SH3KBP1: variants seen among roughly 807,000 people sequenced by gnomAD.
SH3KBP1 encodes the protein SH3 domain-containing kinase-binding protein 1.
A neutral mutation model predicts 50.1 loss-of-function variants in SH3KBP1; 8 were observed. The observed-to-expected ratio is 0.16, with a 90% CI of 0.09 to 0.29. SH3KBP1 has a LOEUF of 0.29. SH3KBP1 is among the 10% of genes least tolerant of loss of function. The probability of loss-of-function intolerance (pLI) is 1.00; values close to 1 mark genes in which losing one functional copy is unlikely to be tolerated. For missense variants in SH3KBP1, 377 were observed against 535.2 expected (o/e 0.70, Z 2.92); for synonymous variants, 227 against 218.6 (o/e 1.04, Z -0.34).
Position 19,565,051 on chromosome X carries a change from A to ATTTTTTTTTTTTTTTTTTTTTTT in SH3KBP1, c.1384+4029_1384+4051dup, listed in dbSNP as rs59323105. The stretch of plus-strand genomic sequence containing the variant: ...TCAGAGAGACCTGGCTTCAACTCCA[A>ATTTTTTTTTTTTTTTTTTTTTTT]TTTTTTTTTTTTTTTTTTTTTTTTT... On this transcript the variant is annotated intron_variant, in intron 13 of 17. Coordinates refer to ENST00000397821, the MANE Select transcript of SH3KBP1 (RefSeq NM_031892.3). 7.5e-5 allele frequency among the ~76,000 whole-genome samples: 5 copies of ATTTTTTTTTTTTTTTTTTTTTTT among 66,520 alleles called. 2 individuals carry two copies. Among genetic ancestry groups the ATTTTTTTTTTTTTTTTTTTTTTT allele is most frequent in the African/African-American group, 3.8e-4 (5 of 13,306 alleles). The allele number at this position is 66,520 out of a possible 115,157, so 57.8% of individuals were successfully genotyped here.
rs1352868166 is a variant in SH3KBP1 at position 19,837,530 on chromosome X, G to A, written c.5-1248C>T. ...GTCACCCAGGCTGGACTGCAGTGGC[G>A]CAATCTCAGCTTACTGCAACCTCCA... is the stretch of plus-strand genomic sequence containing the variant. On this transcript the variant is annotated intron_variant, in intron 1 of 17. Coordinates refer to ENST00000397821, the MANE Select transcript of SH3KBP1 (RefSeq NM_031892.3). Among the ~76,000 whole-genome samples the A allele has an allele frequency of 8.5e-5, 8 of 94,515 alleles. No individual in the cohort carries two copies. The South Asian group carries it at 2.1e-3, about 25-fold the overall frequency. 82.1% of individuals were successfully genotyped at this position (94,515 alleles called of 115,157 possible).
intron 9 of SH3KBP1, among the ~76,000 whole-genome samples, chrX:19,598,229 T>A (rs1017882968): frequency 3.9e-5 from 4 of 101,906 alleles, no homozygotes. Flanking sequence ...GCAAGTCTGT[T>A]TTTATTTATT....
chrX:19,583,993 T>C (rs2147939638), intron 12 of SH3KBP1, among the ~76,000 whole-genome samples: 1 of 95,031 alleles, frequency 1.1e-5, no homozygotes, highest in South Asian at 4.3e-4. Flanking sequence ...TAAATATTTA[T>C]ATTAACAATA....
At chrX:19,813,076 G>A (rs546447629) in intron 2 of SH3KBP1, among the ~76,000 whole-genome samples, 12 of 109,193 alleles carry the variant, frequency 1.1e-4, no homozygotes, top group African/African-American at 3.4e-4. Context: ...CTTGGAGGTC[G>A]AGGCTGCAGT....
At chrX:19,659,633 C>T (rs1277507583) in intron 6 of SH3KBP1, among the ~76,000 whole-genome samples, 1 of 112,199 alleles carries the variant, frequency 8.9e-6, no homozygotes, top group Non-Finnish European at 1.9e-5. Context: ...TTCAAAGGTG[C>T]TTCAAGAATG....
At chrX:19,690,062 T>C (rs1035324925) in intron 5 of SH3KBP1, among the ~76,000 whole-genome samples, 11 of 93,626 alleles carry the variant, frequency 1.2e-4, no homozygotes, top group Non-Finnish European at 1.6e-4. Context: ...CTCTCTCTCT[T>C]TTTTTTTTTT....
intron 2 of SH3KBP1, among the ~76,000 whole-genome samples, chrX:19,824,874 G>A (rs896393194): frequency 1.8e-5 from 2 of 111,674 alleles, no homozygotes; most frequent in African/African-American, 6.5e-5. Context: ...GGTTCTTATT[G>A]GTAACACACT....
intron 9 of SH3KBP1, among the ~76,000 whole-genome samples, chrX:19,599,163 T>C (rs2066999983): frequency 9.0e-6 from 1 of 111,588 alleles, no homozygotes; most frequent in Non-Finnish European, 1.9e-5. Context: ...AATTTTTCTA[T>C]AGCCAATTTC....
At chrX:19,604,084 A>C (rs762300109) in intron 9 of SH3KBP1, among the ~76,000 whole-genome samples, 2 of 111,386 alleles carry the variant, frequency 1.8e-5, no homozygotes, top group South Asian at 3.8e-4. Flanking sequence ...TGAGAGTCTA[A>C]GTTCCCCGTT....
intron 12 of SH3KBP1, among the ~76,000 whole-genome samples, chrX:19,587,762 G>A (rs1261325279): frequency 8.9e-6 from 1 of 111,732 alleles, no homozygotes; most frequent in Non-Finnish European, 1.9e-5. Context: ...TGACTCCAAC[G>A]CAAGAGCTGT....
At chrX:19,661,210 A>G (rs1296989014) in intron 6 of SH3KBP1, among the ~76,000 whole-genome samples, 2 of 112,625 alleles carry the variant, frequency 1.8e-5, no homozygotes, top group Non-Finnish European at 3.7e-5. Context: ...TTGCGTTCTC[A>G]GCTATAACAT....
intron 7 of SH3KBP1, among the ~76,000 whole-genome samples, chrX:19,639,152 G>A (rs1286491856): frequency 1.8e-5 from 2 of 111,264 alleles, no homozygotes; most frequent in Non-Finnish European, 3.8e-5. Flanking sequence ...AAATTGAGAC[G>A]GAGAAATGAA....
At position 19,562,792 on chromosome X, in the gene SH3KBP1, C is replaced by T. The variant is rs193156262; in HGVS notation, c.1384+6311G>A. On this transcript the variant is annotated intron_variant, in intron 13 of 17. Transcript: ENST00000397821. Reference sequence around the variant, plus strand: ...TGACCCTCTCCAAGCCAACAGCCATCTGAATTGATGCTCCCTAAATGTCCC... The same window carrying T: ...TGACCCTCTCCAAGCCAACAGCCATTTGAATTGATGCTCCCTAAATGTCCC... Among the ~76,000 whole-genome samples, 163 of 111,867 alleles carry T rather than the reference C, an allele frequency of 1.5e-3. 1 individual carries two copies. Among genetic ancestry groups the T allele is most frequent in the Middle Eastern group, 4.6e-3 (1 of 216 alleles).
rs866709792 is a variant in SH3KBP1, at chrX:19,668,976, T to A, written c.726+14847A>T. The stretch of plus-strand genomic sequence containing the variant: ...TATATATATATATATATATATATAT[T>A]TTTTGAGACAGGCTGTCACTCTGTC... On this transcript the variant is annotated intron_variant, in intron 6 of 17. Coordinates refer to ENST00000397821, the MANE Select transcript of SH3KBP1 (RefSeq NM_031892.3). Among the ~76,000 whole-genome samples the A allele has an allele frequency of 5.0e-3, 300 of 60,578 alleles. 4 individuals are homozygous for A. Among genetic ancestry groups the A allele is most frequent in the Non-Finnish European group, 7.9e-3 (240 of 30,232 alleles). 52.6% of individuals were successfully genotyped at this position (60,578 alleles called of 115,157 possible). A position where few individuals can be genotyped will look rare whatever the true frequency, so the allele number is the denominator to read the frequency against.
chrX:19,638,314 G>A (rs1435058651), intron 7 of SH3KBP1, among the ~76,000 whole-genome samples: 3 of 107,234 alleles, frequency 2.8e-5, no homozygotes, highest in Non-Finnish European at 5.8e-5. Flanking sequence ...GGAGGCTGAG[G>A]CAGGAGAATG....
At chrX:19,855,970 C>T (rs1163329530) in intron 1 of SH3KBP1, among the ~76,000 whole-genome samples, 1 of 111,233 alleles carries the variant, frequency 9.0e-6, no homozygotes, top group Admixed American at 9.6e-5. Flanking sequence ...ACTTAACAGA[C>T]TAACACATTC....
chrX:19,623,627 T>C (rs2067919562), intron 8 of SH3KBP1, among the ~76,000 whole-genome samples: 1 of 112,354 alleles, frequency 8.9e-6, no homozygotes, highest in South Asian at 3.6e-4. Flanking sequence ...GAGGTTGCAG[T>C]GAGCCAAGAT....
chrX:19,884,206 A>G (rs965303832), intron 1 of SH3KBP1, among the ~76,000 whole-genome samples: 2 of 112,676 alleles, frequency 1.8e-5, no homozygotes, highest in East Asian at 2.8e-4. Context: ...GCTTTCAGCT[A>G]CATACTGCCA....
At chrX:19,710,512 A>G (rs1459508716) in intron 3 of SH3KBP1, among the ~76,000 whole-genome samples, 1 of 112,326 alleles carries the variant, frequency 8.9e-6, no homozygotes. Flanking sequence ...GGCTAAGTAC[A>G]GTACAATAAG....
Sources: gnomAD v4.1 joint callset for allele counts (sites outside exome capture counted in the v4.1 genomes callset) on GRCh38, gnomAD v4.1.1 for gene constraint, MANE v1.5 for transcripts, NCBI Gene and HGNC (gene_info 2026-07-23, HGNC 2026-07-21) for gene names.